The following ADD3 variants were observed in gnomAD, a reference collection of about 807,000 sequenced individuals.
ADD3 encodes adducin 3.
Under a neutral mutation model 80.2 loss-of-function variants are expected in ADD3, and 25 were observed. The observed-to-expected ratio is 0.31, with a 90% CI of 0.23 to 0.44. The LOEUF (loss-of-function observed/expected upper bound fraction) is 0.44, where lower values mean the gene tolerates loss of function less well. ADD3 is among the 20% of genes least tolerant of loss of function. ADD3 has a pLI of 1.00. For missense variants in ADD3, 829 were observed against 847.5 expected (o/e 0.98, Z 0.27); for synonymous variants, 284 against 289.6 (o/e 0.98, Z 0.20).
At position 110,112,850 on chromosome 10, in the gene ADD3, C is replaced by T. The variant is rs1212301099; in HGVS notation, c.269C>T (p.Ala90Val). ...GGCCACAACCCAACTGGATTACTAG[C>T]ATTACAGCAGATTGCAGATTACATC... ...KKGHNPTGLL[A>V]LQQIADYIMA... is the part of the protein sequence containing the mutation. The change falls in exon 3 of 15, where the codon GCA (alanine) becomes GTA (valine). Residue 90 changes from alanine to valine, a missense_variant. Coordinates refer to ENST00000356080, the MANE Select transcript of ADD3 (RefSeq NM_016824.5). 6.2e-7 allele frequency: 1 copy of T among 1,614,106 alleles called. No homozygotes were observed.
At chr10:110,065,552 T>TC (rs1393262764) in intron 1 of ADD3, among the ~76,000 whole-genome samples, 1 of 117,726 alleles carries the variant, frequency 8.5e-6, no homozygotes, top group African/African-American at 2.8e-5. Context: ...TTTTTTTTTT[T>TC]TTTTTGAGAA....
In ADD3 at chr10:110,094,622, T is replaced by C. The variant is rs540862348; in HGVS notation, c.-29-6003T>C. Among the ~76,000 whole-genome samples the C allele has an allele frequency of 2.0e-5, 3 of 152,324 alleles. No individual in the cohort carries two copies. In the East Asian group the frequency reaches 5.8e-4, roughly 29 times the overall value. ...TTTCTGCTTCAAGTTTTCAGATCTG[T>C]CAATTTCCATGTCAGTTGTATATAA... On this transcript the variant is annotated intron_variant, in intron 1 of 14. Coordinates refer to ENST00000356080, the MANE Select transcript of ADD3 (RefSeq NM_016824.5).
chr10:110,111,654 G>T, intron 2 of ADD3, among the ~76,000 whole-genome samples: 1 of 152,132 alleles, frequency 6.6e-6, no homozygotes. Flanking sequence ...GGTGGCTCAC[G>T]CCTGTAATCC....
At chr10:110,016,579 T>A (rs1853024874) in intron 1 of ADD3, 1 of 152,250 alleles carries the variant, frequency 6.6e-6, no homozygotes, top group South Asian at 2.1e-4. Flanking sequence ...TAAAATCTGC[T>A]TGGGCTTAGA....
At chr10:110,004,127 A>T (rs1189754841), upstream of ADD3, among the ~76,000 whole-genome samples, 2 of 152,026 alleles carry the variant, frequency 1.3e-5, no homozygotes, top group Non-Finnish European at 2.9e-5. Flanking sequence ...GTTCAATACT[A>T]CCTGGTAGAT....
intron 1 of ADD3, among the ~76,000 whole-genome samples, chr10:110,020,237 T>A: frequency 6.6e-6 from 1 of 152,344 alleles, no homozygotes; most frequent in Middle Eastern, 3.4e-3. Context: ...TTCTAAGTGC[T>A]GAGAATTTGG....
At chr10:110,008,797 A>G (rs1212428124) in intron 1 of ADD3, among the ~76,000 whole-genome samples, 2 of 152,066 alleles carry the variant, frequency 1.3e-5, no homozygotes, top group African/African-American at 2.4e-5. Context: ...TTTTTGTTAC[A>G]AGTTGAAAGT....
intron 1 of ADD3, among the ~76,000 whole-genome samples, chr10:110,092,607 C>T (rs924803266): frequency 1.2e-4 from 18 of 152,058 alleles, no homozygotes; most frequent in Admixed American, 1.0e-3. Context: ...GGAAAAACTG[C>T]CTATCAGGTC....
chr10:110,094,362 A>G (rs1300965953), intron 1 of ADD3, among the ~76,000 whole-genome samples: 1 of 152,210 alleles, frequency 6.6e-6, no homozygotes, highest in Non-Finnish European at 1.5e-5. Flanking sequence ...AAGTCACTCA[A>G]CACCACTGAG....
In ADD3 at chr10:110,129,690, G is replaced by A. The variant is rs571376045; in HGVS notation, c.1609-673G>A. Among the ~76,000 whole-genome samples, 2 of 152,122 alleles carry A rather than the reference G, an allele frequency of 1.3e-5. 1 individual carries two copies. The highest frequency in any genetic ancestry group is 4.8e-5 in the African/African-American group (2 of 41,506). On this transcript the variant is annotated intron_variant, in intron 12 of 14. Transcript: ENST00000356080. ...CTTCTCATTTGCATCCTTTTTTTCA[G>A]GACTGAGGCTTCAACTTTCTCAGCT...
intron 1 of ADD3, among the ~76,000 whole-genome samples, chr10:110,028,139 T>G (rs1854528185): frequency 6.6e-6 from 1 of 152,220 alleles, no homozygotes; most frequent in African/African-American, 2.4e-5. Context: ...GTAATATGGA[T>G]AATATTTGGT....
chr10:110,055,100 C>T (rs191962828), intron 1 of ADD3, among the ~76,000 whole-genome samples: 1 of 152,142 alleles, frequency 6.6e-6, no homozygotes. Context: ...AAAGTGTTTA[C>T]CTCTAGTAAG....
chr10:110,034,646 G>A (rs1477418416), intron 1 of ADD3, among the ~76,000 whole-genome samples: 1 of 151,632 alleles, frequency 6.6e-6, no homozygotes, highest in African/African-American at 2.4e-5. Flanking sequence ...ATACTCTAAA[G>A]ATAAGCAAAT....
At chr10:110,120,688 C>G (rs1393729048) in intron 8 of ADD3, among the ~76,000 whole-genome samples, 1 of 152,148 alleles carries the variant, frequency 6.6e-6, no homozygotes, top group African/African-American at 2.4e-5. Flanking sequence ...GCCCGCATCG[C>G]CAAGTCAATC....
chr10:110,111,454 G>C (rs1849991862), intron 2 of ADD3, among the ~76,000 whole-genome samples: 1 of 152,146 alleles, frequency 6.6e-6, no homozygotes, highest in South Asian at 2.1e-4. Context: ...TTCAGATGTT[G>C]AACCATACTA....
intron 1 of ADD3, among the ~76,000 whole-genome samples, chr10:110,023,741 C>A (rs1046915103): frequency 6.6e-6 from 1 of 152,196 alleles, no homozygotes; most frequent in Non-Finnish European, 1.5e-5. Flanking sequence ...GTTACCCAAT[C>A]GTCCAGTCTT....
upstream of ADD3, chr10:110,005,980 T>C (rs888904573): frequency 1.2e-5 from 3 of 245,336 alleles, no homozygotes; most frequent in Admixed American, 1.5e-4. Context: ...GAGAAGCTGC[T>C]GCTGCTAATG....
chr10:110,022,718 T>C (rs1853823170), intron 1 of ADD3, among the ~76,000 whole-genome samples: 1 of 152,126 alleles, frequency 6.6e-6, no homozygotes. Context: ...AGCTATACTA[T>C]AGCAACAATT....
At chr10:110,119,585 T>A in intron 8 of ADD3, 21 bp downstream of exon 8, 1 of 1,584,366 alleles carries the variant, frequency 6.3e-7, no homozygotes, top group Non-Finnish European at 8.7e-7. Context: ...TTATTCCCCT[T>A]TTTTAATTGC....
Sources: allele counts gnomAD v4.1 joint callset (sites outside exome capture counted in the v4.1 genomes callset), GRCh38; gene constraint gnomAD v4.1.1; transcripts MANE v1.5; gene names NCBI Gene and HGNC (gene_info 2026-07-23, HGNC 2026-07-21).